Variants in NWD1 observed in about 807,000 individuals in gnomAD.
The protein encoded by NWD1 is NACHT domain- and WD repeat-containing protein 1.
Under a neutral mutation model 135.1 loss-of-function variants are expected in NWD1, and 129 were observed. The ratio of observed to expected loss-of-function variants is 0.96; its 90% CI spans 0.83 to 1.11. The LOEUF (loss-of-function observed/expected upper bound fraction) is 1.11, where lower values mean the gene tolerates loss of function less well. Ranked by LOEUF, NWD1 falls within the 50% of genes least tolerant of loss-of-function variation. The pLI, the probability that NWD1 is intolerant of heterozygous loss-of-function variation, is 0.00. For missense variants in NWD1, 1,740 were observed against 1,851.3 expected (o/e 0.94, Z 1.10); for synonymous variants, 773 against 786.0 (o/e 0.98, Z 0.28).
chr19:16,759,702 C>A (rs1455757499), intron 7 of NWD1, among the ~76,000 whole-genome samples: 1 of 152,086 alleles, frequency 6.6e-6, no homozygotes, highest in Non-Finnish European at 1.5e-5. Context: ...CGTAGCGAGG[C>A]CCCATCTCTA....
intron 18 of NWD1, among the ~76,000 whole-genome samples, chr19:16,808,599 GTT>G (rs1268056185): frequency 6.6e-6 from 1 of 151,516 alleles, no homozygotes; most frequent in African/African-American, 2.4e-5. Context: ...CAGAAGCAAA[GTT>G]TTTTTTGTTT....
chr19:16,723,787 C>T (rs978868433), intron 1 of NWD1, among the ~76,000 whole-genome samples: 4 of 152,036 alleles, frequency 2.6e-5, no homozygotes. Context: ...CCTCTACCTC[C>T]TTGGTTCAAG....
chr19:16,765,895 T>C (rs1969203225), intron 10 of NWD1, among the ~76,000 whole-genome samples: 1 of 151,604 alleles, frequency 6.6e-6, no homozygotes, highest in African/African-American at 2.4e-5. Flanking sequence ...TGGGCACCTG[T>C]AGTCCCAGCT....
chr19:16,757,644 C>T (rs1479693712), intron 6 of NWD1, among the ~76,000 whole-genome samples: 2 of 152,106 alleles, frequency 1.3e-5, no homozygotes, highest in Non-Finnish European at 2.9e-5. Flanking sequence ...GTGAGGTGCC[C>T]GCTCTGAGGT....
Position 16,800,114 on chromosome 19 carries a change from C to T in NWD1, c.3688C>T (p.Pro1230Ser), listed in dbSNP as rs1432547715. ...VSHNGSYVYFPKIGDKNKVTI... is the reference protein window; with the variant it reads ...VSHNGSYVYFSKIGDKNKVTI... The stretch of plus-strand genomic sequence containing the variant: ...CCACAATGGAAGCTACGTCTACTTC[C>T]CCAAAATTGGGGACAAAAACAAAGT... The change falls in exon 17 of 19, where the codon CCC becomes TCC. Residue 1230 changes from proline (P) to serine (S), a missense_variant. By Grantham distance (74) the Pro-to-Ser change is moderately conservative. Transcript: ENST00000524140. 2 of 1,613,762 alleles carry T rather than the reference C, an allele frequency of 1.2e-6. No individual in the cohort carries two copies. Among genetic ancestry groups the T allele is most frequent in the African/African-American group, 1.3e-5 (1 of 74,934 alleles).
chr19:16,722,256 G>A (rs148076364), intron 1 of NWD1, among the ~76,000 whole-genome samples: 2,672 of 151,374 alleles, frequency 0.018, 71 homozygotes, highest in African/African-American at 0.059. Context: ...CCACAATAGT[G>A]CCACTGCACT....
intron 6 of NWD1, 112 bp from the exon 7 acceptor site, chr19:16,759,113 G>A: frequency 2.5e-6 from 2 of 798,036 alleles, no homozygotes; most frequent in Non-Finnish European, 4.3e-6. Context: ...GATCCCAGGT[G>A]ATGTGCTGGA....
intron 6 of NWD1, 24 bp downstream of exon 6, chr19:16,750,435 CTTAT>C: frequency 3.4e-6 from 5 of 1,484,634 alleles, no homozygotes; most frequent in African/African-American, 1.4e-5. Context: ...TTTTGAAACT[CTTAT>C]TTATTTATTT....
chr19:16,787,495 CAT>C (rs1970076780), intron 12 of NWD1, among the ~76,000 whole-genome samples: 2 of 152,146 alleles, frequency 1.3e-5, no homozygotes, highest in South Asian at 4.1e-4. Context: ...TGCTTTGCCA[CAT>C]TTCATTATTT....
At chr19:16,754,902 T>C (rs189309128) in intron 6 of NWD1, among the ~76,000 whole-genome samples, 207 of 152,306 alleles carry the variant, frequency 1.4e-3, no homozygotes, top group African/African-American at 4.7e-3. Flanking sequence ...GTCATATCTA[T>C]CTATCTATGT....
At chr19:16,795,592 T>C (rs1599546985) in intron 15 of NWD1, among the ~76,000 whole-genome samples, 1 of 151,976 alleles carries the variant, frequency 6.6e-6, no homozygotes, top group African/African-American at 2.4e-5. Context: ...AATTTTTGTA[T>C]TTTTAGTAGA....
At chr19:16,738,883 A>ATT (rs1395268273) in intron 4 of NWD1, among the ~76,000 whole-genome samples, 1 of 143,726 alleles carries the variant, frequency 7.0e-6, no homozygotes, top group East Asian at 2.0e-4. Flanking sequence ...TACATTATAT[A>ATT]TTATATATAT....
In NWD1 at chr19:16,771,120, C is replaced by A. The variant is rs370527271; in HGVS notation, c.2411-2006C>A. ...TTCAAGACCATCCTGGGCAACATAG[C>A]GAGACCCTATCTCTGTAAAAAAAAA... On this transcript the variant is annotated intron_variant, in intron 10 of 18. Transcript: ENST00000524140. Among the ~76,000 whole-genome samples, 6 of 152,114 alleles carry A rather than the reference C, an allele frequency of 3.9e-5. 1 individual carries two copies. Among genetic ancestry groups the A allele is most frequent in the African/African-American group, 1.2e-4 (5 of 41,512 alleles).
chr19:16,794,550 G>C lies in NWD1; in HGVS notation c.3301G>C (p.Ala1101Pro). The change falls in exon 15 of 19, where the codon GCA (alanine) becomes CCA (proline). Residue 1101 changes from alanine (A) to proline (P), a missense_variant. Physicochemically the swap from Ala to Pro is conservative, Grantham distance 27. Transcript: ENST00000524140. ...VVSEDESLLA[A>P]GFGRSVRIFL... Reference sequence around the variant, plus strand: ...CTCTGAAGATGAGTCCCTCCTCGCCGCAGGTAGCGTTTAGCTCTCATTTGG... The same window carrying C: ...CTCTGAAGATGAGTCCCTCCTCGCCCCAGGTAGCGTTTAGCTCTCATTTGG... The C allele has an allele frequency of 6.3e-7, 1 of 1,596,130 alleles. No individual in the cohort carries two copies. Among genetic ancestry groups the C allele is most frequent in the South Asian group, 1.1e-5 (1 of 89,190 alleles).
At chr19:16,769,534 G>GA (rs1438265231) in intron 10 of NWD1, among the ~76,000 whole-genome samples, 1 of 151,900 alleles carries the variant, frequency 6.6e-6, no homozygotes, top group Non-Finnish European at 1.5e-5. Context: ...TTGTCCTTGG[G>GA]ATAATGACCT....
chr19:16,794,609 G>A, intron 15 of NWD1, 56 bp downstream of exon 15: 6 of 1,218,052 alleles, frequency 4.9e-6, no homozygotes, highest in Non-Finnish European at 7.1e-6. Flanking sequence ...TCAGGTTGGA[G>A]AAGGGGGTGG....
intron 6 of NWD1, among the ~76,000 whole-genome samples, chr19:16,758,236 T>G (rs1968871885): frequency 6.6e-6 from 1 of 152,148 alleles, no homozygotes; most frequent in South Asian, 2.1e-4. Context: ...TTTTATTAAT[T>G]TTTAACCAGT....
intron 3 of NWD1, among the ~76,000 whole-genome samples, chr19:16,734,233 A>C (rs1293336511): frequency 1.3e-5 from 2 of 152,094 alleles, no homozygotes; most frequent in Non-Finnish European, 2.9e-5. Flanking sequence ...ACAGTTTGAA[A>C]ATGGCCAAGT....
At chr19:16,798,025 T>G in intron 16 of NWD1, 139 bp downstream of exon 16, 1 of 738,014 alleles carries the variant, frequency 1.4e-6, no homozygotes, top group Non-Finnish European at 2.3e-6. Context: ...TGGGAGGATA[T>G]GGGGGTGTAT....
Sources: gnomAD v4.1 joint callset for allele counts (sites outside exome capture counted in the v4.1 genomes callset) on GRCh38, gnomAD v4.1.1 for gene constraint, MANE v1.5 for transcripts, NCBI Gene and HGNC (gene_info 2026-07-23, HGNC 2026-07-21) for gene names.